Variants in BABAM2 observed in about 807,000 individuals in gnomAD.
BABAM2 encodes BRISC and BRCA1-A complex member 2.
In BABAM2, 31 loss-of-function variants were observed where a neutral mutation model predicts 54.7. The observed-to-expected ratio is 0.57, with a 90% CI of 0.43 to 0.77. The LOEUF is 0.77. Among genes scored for constraint, BABAM2 ranks in the 30% least tolerant of loss-of-function variants. BABAM2 has a pLI of 0.00. For missense variants in BABAM2, 364 were observed against 455.8 expected (o/e 0.80, Z 1.83); for synonymous variants, 167 against 162.9 (o/e 1.03, Z -0.19).
Position 28,322,093 on chromosome 2 carries a change from C to T in BABAM2, c.1089-16357C>T, listed in dbSNP as rs1455468813. 1.3e-5 allele frequency among the ~76,000 whole-genome samples: 2 copies of T among 152,154 alleles called. No individual in the cohort carries two copies. Among genetic ancestry groups the T allele is most frequent in the African/African-American group, 4.8e-5 (2 of 41,418 alleles). ...CATTCAACAGAAAATTAGGGTACTTCTGTGTCACTGAGGTGCAGCCCCAGT... is the reference window on the plus strand; with the variant it reads ...CATTCAACAGAAAATTAGGGTACTTTTGTGTCACTGAGGTGCAGCCCCAGT... On this transcript the variant is annotated intron_variant, in intron 11 of 11. Transcript: ENST00000379624. This position sits in a 1 kb window ranked among gnomAD's most constrained non-coding sequence, Gnocchi z 4.1.
rs575794481 is a variant in BABAM2 at position 28,138,840 on chromosome 2, G to A, written c.680+9460G>A. ...CTCTCATGTTCATCTCCTCACCCTTGCCCCAGCCTGTTTCAAGCCTCTAAG... is the reference window on the plus strand; with the variant it reads ...CTCTCATGTTCATCTCCTCACCCTTACCCCAGCCTGTTTCAAGCCTCTAAG... On this transcript the variant is annotated intron_variant, in intron 7 of 11. Transcript: ENST00000379624. 1.4e-4 allele frequency among the ~76,000 whole-genome samples: 22 copies of A among 152,074 alleles called. No homozygotes were observed. The South Asian group carries it at 4.4e-3, about 30-fold the overall frequency.
chr2:27,897,440 C>T (rs1241358416), intron 2 of BABAM2, among the ~76,000 whole-genome samples: 1 of 152,124 alleles, frequency 6.6e-6, no homozygotes, highest in Non-Finnish European at 1.5e-5. Context: ...TTACTATTTA[C>T]TAGCCATTTT....
intron 6 of BABAM2, among the ~76,000 whole-genome samples, chr2:28,106,126 C>A (rs2148716488): frequency 6.6e-6 from 1 of 152,022 alleles, no homozygotes; most frequent in East Asian, 1.9e-4. Flanking sequence ...TAAAGGCATT[C>A]TCTTACATAT....
rs1408517167 is a variant in BABAM2, at chr2:28,290,932, A to G, written c.935-7406A>G. 2.6e-5 allele frequency among the ~76,000 whole-genome samples: 4 copies of G among 152,352 alleles called. No homozygotes were observed. In the South Asian group the frequency reaches 6.2e-4, roughly 24 times the overall value. Reference sequence around the variant, plus strand: ...TTTAAGAACCTGAAACATATGCTACAGTTATCAGAAATTTCACATATACAG... The same window carrying G: ...TTTAAGAACCTGAAACATATGCTACGGTTATCAGAAATTTCACATATACAG... On this transcript the variant is annotated intron_variant, in intron 10 of 11. Coordinates refer to ENST00000379624, the MANE Select transcript of BABAM2 (RefSeq NM_199191.3).
intron 11 of BABAM2, among the ~76,000 whole-genome samples, chr2:28,318,138 G>C (rs538636750): frequency 1.3e-5 from 2 of 152,156 alleles, no homozygotes; most frequent in African/African-American, 4.8e-5. Flanking sequence ...TAGTATCTCT[G>C]TTCCTCCCAC....
rs70956008 is a variant in BABAM2 at position 28,258,615 on chromosome 2, C to CTTTTTTTTTTTTT, written c.934+13757_934+13769dup. ...CTTAAGTCTTTTTCTTTTTTCTTTTCTTTTTTTTTTTTTTTTGAGACAGGA... is the reference window on the plus strand; with the variant it reads ...CTTAAGTCTTTTTCTTTTTTCTTTTCTTTTTTTTTTTTTTTTTTTTTTTTTTTTTGAGACAGGA... On this transcript the variant is annotated intron_variant, in intron 10 of 11. Transcript: ENST00000379624. Among the ~76,000 whole-genome samples, 338 of 99,964 alleles carry CTTTTTTTTTTTTT rather than the reference C, an allele frequency of 3.4e-3. 11 individuals are homozygous for CTTTTTTTTTTTTT. The highest frequency in any genetic ancestry group is 4.6e-3 in the Non-Finnish European group (239 of 52,140). 65.6% of individuals were successfully genotyped at this position (99,964 alleles called of 152,430 possible). A position where few individuals can be genotyped will look rare whatever the true frequency, so the allele number is the denominator to read the frequency against.
intron 5 of BABAM2, among the ~76,000 whole-genome samples, chr2:28,033,451 G>A (rs1429021103): frequency 6.6e-6 from 1 of 152,096 alleles, no homozygotes; most frequent in Admixed American, 6.5e-5. Flanking sequence ...CTTGATATTG[G>A]GGACTCTGTG....
intron 6 of BABAM2, among the ~76,000 whole-genome samples, chr2:28,104,956 G>T (rs1245122039): frequency 6.6e-6 from 1 of 150,744 alleles, no homozygotes; most frequent in South Asian, 2.1e-4. Flanking sequence ...ACCAAACACT[G>T]CATGTTCTCA....
rs559475411 is a variant in BABAM2 at position 27,932,216 on chromosome 2, A to AT, written c.205+2314dup. On this transcript the variant is annotated intron_variant, in intron 3 of 11. Transcript: ENST00000379624. ...CTGTTTTCCTTTAGCCCATCCGATA[A>AT]TTTTTTATTACTACAGTCACAATTA... 2.6e-3 allele frequency among the ~76,000 whole-genome samples: 402 copies of AT among 152,050 alleles called. 8 individuals are homozygous for AT. Among genetic ancestry groups the AT allele is most frequent in the Admixed American group, 0.021 (322 of 15,270 alleles).
chr2:28,157,354 C>T (rs1215117102), intron 7 of BABAM2, among the ~76,000 whole-genome samples: 1 of 152,146 alleles, frequency 6.6e-6, no homozygotes, highest in East Asian at 1.9e-4. Context: ...CCAAACACCC[C>T]ATTTTTAAAA....
chr2:27,909,252 C>G (rs937366443), intron 2 of BABAM2, among the ~76,000 whole-genome samples: 3 of 151,666 alleles, frequency 2.0e-5, no homozygotes, highest in Admixed American at 2.0e-4. Flanking sequence ...GCTATGTCAC[C>G]CAGATTGATC....
In BABAM2 at chr2:28,250,318, CTTTTTT is replaced by C. The variant is rs35545683; in HGVS notation, c.934+5472_934+5477del. 4.2e-5 allele frequency among the ~76,000 whole-genome samples: 5 copies of C among 118,796 alleles called. No individual in the cohort carries two copies. In the East Asian group the frequency reaches 1.0e-3, roughly 24 times the overall value. The allele number at this position is 118,796 out of a possible 152,430, so 77.9% of individuals were successfully genotyped here. On this transcript the variant is annotated intron_variant, in intron 10 of 11. Coordinates refer to ENST00000379624, the MANE Select transcript of BABAM2 (RefSeq NM_199191.3). ...AGTAAGGGGAAGGGCATTTGTTGAA[CTTTTTT>C]TTTTTTTTTTTTTTTAGCTATCTAA...
chr2:28,013,694 T>TACACACACACACAC (rs56148921), intron 4 of BABAM2, among the ~76,000 whole-genome samples: 1,551 of 106,010 alleles, frequency 0.015, 22 homozygotes, highest in Admixed American at 0.022. Flanking sequence ...AAAAAGCTCT[T>TACACACACACACAC]ACACACACAC....
At chr2:28,118,606 A>G (rs1405752722) in intron 6 of BABAM2, among the ~76,000 whole-genome samples, 3 of 152,080 alleles carry the variant, frequency 2.0e-5, no homozygotes, top group Non-Finnish European at 4.4e-5. Context: ...AGTTCCTTGT[A>G]AACTCTGGAT....
rs531477866 is a variant in BABAM2 at position 28,236,026 on chromosome 2, C to T, written c.681-1176C>T. On this transcript the variant is annotated intron_variant, in intron 7 of 11. Coordinates refer to ENST00000379624, the MANE Select transcript of BABAM2 (RefSeq NM_199191.3). ...CACACCTTTTTCTTCCACTTACAAC[C>T]TTGTAACTGCAGGGTCTTGGATAAT... Among the ~76,000 whole-genome samples the T allele has an allele frequency of 5.9e-5, 9 of 152,126 alleles. 1 individual carries two copies. The highest frequency in any genetic ancestry group is 1.3e-4 in the Non-Finnish European group (9 of 68,040).
chr2:27,987,812 C>T (rs1672508841), intron 3 of BABAM2, among the ~76,000 whole-genome samples, 181 bp from the exon 4 acceptor site: 1 of 134,178 alleles, frequency 7.5e-6, no homozygotes, highest in Non-Finnish European at 1.6e-5. Context: ...GAGACCCTGT[C>T]TCAAAAAAAA....
In BABAM2 at chr2:27,982,844, T is replaced by TACACACAC. The variant is rs146744707; in HGVS notation, c.206-5117_206-5110dup. On this transcript the variant is annotated intron_variant, in intron 3 of 11. Coordinates refer to ENST00000379624, the MANE Select transcript of BABAM2 (RefSeq NM_199191.3). ...AGGCTGAATAATATTTCATTATGTG[T>TACACACAC]ACACACACACACACACACACACACA... Among the ~76,000 whole-genome samples the TACACACAC allele has an allele frequency of 4.9e-3, 620 of 127,202 alleles. 5 individuals carry two copies. Among genetic ancestry groups the TACACACAC allele is most frequent in the East Asian group, 0.039 (173 of 4,404 alleles). The allele number at this position is 127,202 out of a possible 152,430, so 83.4% of individuals were successfully genotyped here. A position where few individuals can be genotyped will look rare whatever the true frequency, so the allele number is the denominator to read the frequency against.
At chr2:28,007,199 A>AT (rs1674039922) in intron 4 of BABAM2, among the ~76,000 whole-genome samples, 2 of 152,072 alleles carry the variant, frequency 1.3e-5, no homozygotes, top group African/African-American at 4.8e-5. Context: ...GAAAGCCTGA[A>AT]TGGTAGTCAC....
chr2:28,129,847 A>G (rs990549525), intron 7 of BABAM2, among the ~76,000 whole-genome samples: 1 of 152,384 alleles, frequency 6.6e-6, no homozygotes, highest in African/African-American at 2.4e-5. Context: ...GCTTAAAAAG[A>G]TAACATGTTT....
Sources: gnomAD v4.1 joint callset for allele counts (sites outside exome capture counted in the v4.1 genomes callset) on GRCh38, gnomAD v4.1.1 for gene constraint, Gnocchi (gnomAD v3.1) non-coding constraint, MANE v1.5 for transcripts, NCBI Gene and HGNC (gene_info 2026-07-23, HGNC 2026-07-21) for gene names.